NME7: variants seen among roughly 807,000 people sequenced by gnomAD.
The protein encoded by NME7 is nucleoside diphosphate kinase 7.
NME7 carries 41 observed loss-of-function variants against 49.1 expected under a neutral mutation model. The observed-to-expected ratio is 0.83, with a 90% CI of 0.65 to 1.08. The LOEUF (loss-of-function observed/expected upper bound fraction) is 1.08. NME7 is among the 50% of genes least tolerant of loss of function. The probability of loss-of-function intolerance (pLI) is 0.00; values close to 1 mark genes in which losing one functional copy is unlikely to be tolerated. For missense variants in NME7, 423 were observed against 463.4 expected, an observed-to-expected ratio of 0.91 and a Z score of 0.80; for synonymous variants, 139 against 150.6, an observed-to-expected ratio of 0.92 and a Z score of 0.56.
At chr1:169,288,270 G>A (rs1650356501) in intron 6 of NME7, among the ~76,000 whole-genome samples, 1 of 152,060 alleles carries the variant, frequency 6.6e-6, no homozygotes, top group South Asian at 2.1e-4. Flanking sequence ...GTATAGCTCT[G>A]TAGGACCCCT....
intron 10 of NME7, among the ~76,000 whole-genome samples, chr1:169,169,809 T>A (rs1659525405): frequency 6.6e-6 from 1 of 152,232 alleles, no homozygotes; most frequent in African/African-American, 2.4e-5. Flanking sequence ...GTGAAAGACT[T>A]GTATTTTATA....
At chr1:169,191,220 C>T (rs144737447) in intron 10 of NME7, among the ~76,000 whole-genome samples, 2,529 of 152,210 alleles carry the variant, frequency 0.017, 36 homozygotes, top group Middle Eastern at 0.054. Flanking sequence ...CCAGGATTAC[C>T]CTTAACGTGT....
intron 7 of NME7, among the ~76,000 whole-genome samples, chr1:169,244,155 T>C (rs993379403): frequency 1.3e-5 from 2 of 152,170 alleles, no homozygotes; most frequent in African/African-American, 2.4e-5. Flanking sequence ...AGAATGTATA[T>C]GTAGTAAATT....
At chr1:169,304,891 A>G (rs1260903146) in intron 4 of NME7, among the ~76,000 whole-genome samples, 1 of 152,208 alleles carries the variant, frequency 6.6e-6, no homozygotes, top group Non-Finnish European at 1.5e-5. Context: ...ACAGCCTAAA[A>G]TGGGGTAAAA....
intron 11 of NME7, among the ~76,000 whole-genome samples, chr1:169,164,420 A>G (rs1659345353): frequency 6.6e-6 from 1 of 152,154 alleles, no homozygotes; most frequent in Non-Finnish European, 1.5e-5. Context: ...TAGTAATAAT[A>G]ATAATAACTA....
At position 169,272,111 on chromosome 1, in the gene NME7, A is replaced by C. The variant is rs1030794782; in HGVS notation, c.754+15192T>G. ...TTCTTTGCCTTAATTAAGTTATATGACCTAATGTTATATATCAAATATAAA... is the reference window on the plus strand; with the variant it reads ...TTCTTTGCCTTAATTAAGTTATATGCCCTAATGTTATATATCAAATATAAA... On this transcript the variant is annotated intron_variant, in intron 7 of 11. Transcript: ENST00000367811. Among the ~76,000 whole-genome samples the C allele has an allele frequency of 4.5e-5, 6 of 132,160 alleles. 2 individuals are homozygous for C. Among genetic ancestry groups the C allele is most frequent in the Non-Finnish European group, 1.1e-4 (6 of 56,568 alleles). 86.7% of individuals were successfully genotyped at this position (132,160 alleles called of 152,430 possible).
At chr1:169,302,989 CAGAG>C in intron 5 of NME7, 152 bp downstream of exon 5, 1 of 435,982 alleles carries the variant, frequency 2.3e-6, no homozygotes, top group Non-Finnish European at 4.2e-6. Flanking sequence ...AATAAAAAGA[CAGAG>C]AATATAATTC....
At position 169,354,985 on chromosome 1, in the gene NME7, ATATATAATATAATTATATAT is replaced by A. The variant is rs1653341047; in HGVS notation, c.3+12703_3+12722del. 2.4e-4 allele frequency among the ~76,000 whole-genome samples: 11 copies of A among 46,530 alleles called. 3 individuals carry two copies. Among genetic ancestry groups the A allele is most frequent in the Admixed American group, 4.1e-4 (1 of 2,422 alleles). 30.5% of individuals were successfully genotyped at this position (46,530 alleles called of 152,430 possible). On this transcript the variant is annotated intron_variant, in intron 1 of 11. Coordinates refer to ENST00000367811, the MANE Select transcript of NME7 (RefSeq NM_013330.5). ...ATATATAATATAATTATATATGTTT[ATATATAATATAATTATATAT>A]GTTTATATATAATATAATTATATAT... is the stretch of plus-strand genomic sequence containing the variant.
chr1:169,177,836 T>C (rs1458003539), intron 10 of NME7, among the ~76,000 whole-genome samples: 3 of 128,248 alleles, frequency 2.3e-5, no homozygotes, highest in Non-Finnish European at 5.3e-5. Context: ...ATTCTCTTTT[T>C]TTGTTTTTTG....
chr1:169,144,407 C>G (rs931403415), intron 11 of NME7, among the ~76,000 whole-genome samples: 1 of 152,074 alleles, frequency 6.6e-6, no homozygotes, highest in African/African-American at 2.4e-5. Flanking sequence ...GAATACTATT[C>G]TATGTTTTGT....
chr1:169,309,993 T>C lies in NME7; in HGVS notation c.366A>G (p.Lys122=). 1 of 1,594,562 alleles carries C rather than the reference T, an allele frequency of 6.3e-7. No individual in the cohort carries two copies. Among genetic ancestry groups the C allele is most frequent in the African/African-American group, 1.3e-5 (1 of 74,312 alleles). The change falls in exon 4 of 12, where the codon AAA becomes AAG. Residue 122 remains lysine (K), a synonymous_variant. Coordinates refer to ENST00000367811, the MANE Select transcript of NME7 (RefSeq NM_013330.5). ...ACCTTGAAAGCATCATCATTTTGAG[T>C]TTGGTTATAGTAAATCCAGCTTTGT... ...IINKAGFTIT[K]LKMMMLSRKE...
intron 7 of NME7, among the ~76,000 whole-genome samples, chr1:169,243,178 T>C (rs1360842149): frequency 1.3e-5 from 2 of 152,170 alleles, no homozygotes; most frequent in East Asian, 3.8e-4. Context: ...GATGGTGTAG[T>C]ATTGTCAGTG....
intron 10 of NME7, among the ~76,000 whole-genome samples, chr1:169,219,829 T>C (rs1661087301): frequency 6.6e-6 from 1 of 152,194 alleles, no homozygotes; most frequent in African/African-American, 2.4e-5. Context: ...GTTTAATAAA[T>C]GCCTGAATTT....
At chr1:169,136,198 G>T (rs1658425257) in intron 11 of NME7, among the ~76,000 whole-genome samples, 1 of 152,154 alleles carries the variant, frequency 6.6e-6, no homozygotes, top group Non-Finnish European at 1.5e-5. Flanking sequence ...GCAGGAATAG[G>T]ACATAGGATC....
intron 1 of NME7, among the ~76,000 whole-genome samples, chr1:169,330,858 C>A (rs1032866685): frequency 6.6e-6 from 1 of 151,838 alleles, no homozygotes; most frequent in East Asian, 1.9e-4. Context: ...CCTAAAGAGA[C>A]CAATAACAAG....
At chr1:169,206,809 A>G (rs936007118) in intron 10 of NME7, among the ~76,000 whole-genome samples, 4 of 152,294 alleles carry the variant, frequency 2.6e-5, no homozygotes, top group African/African-American at 9.6e-5. Context: ...GATATGTACA[A>G]TTGTAATGCA....
intron 11 of NME7, among the ~76,000 whole-genome samples, chr1:169,150,853 A>G (rs1251562784): frequency 6.6e-6 from 1 of 152,106 alleles, no homozygotes; most frequent in Non-Finnish European, 1.5e-5. Flanking sequence ...AGGCAATATA[A>G]TTTGCTCTTC....
chr1:169,318,922 G>A (rs1448102593), intron 3 of NME7, among the ~76,000 whole-genome samples: 1 of 151,808 alleles, frequency 6.6e-6, no homozygotes, highest in Non-Finnish European at 1.5e-5. Context: ...TAACAACCAG[G>A]GGAAGACAGA....
intron 7 of NME7, among the ~76,000 whole-genome samples, chr1:169,241,861 A>T (rs1423082364): frequency 6.6e-6 from 1 of 151,874 alleles, no homozygotes; most frequent in Non-Finnish European, 1.5e-5. Context: ...CTGATATTGA[A>T]ATCATATGAA....
Sources: allele counts gnomAD v4.1 joint callset (sites outside exome capture counted in the v4.1 genomes callset), GRCh38; gene constraint gnomAD v4.1.1; transcripts MANE v1.5; gene names NCBI Gene and HGNC (gene_info 2026-07-23, HGNC 2026-07-21).